The following COL25A1 variants were observed in gnomAD, a reference collection of about 807,000 sequenced individuals.
COL25A1 encodes the protein collagen alpha-1(XXV) chain.
COL25A1 carries 103 observed loss-of-function variants against 128.4 expected under a neutral mutation model. That is an observed-to-expected ratio of 0.80 (90% confidence interval 0.68 to 0.94). The LOEUF (loss-of-function observed/expected upper bound fraction) is 0.94, where lower values mean the gene tolerates loss of function less well. Among genes scored for constraint, COL25A1 ranks in the 40% least tolerant of loss-of-function variants. The pLI, the probability that COL25A1 is intolerant of heterozygous loss-of-function variation, is 0.00. For missense variants in COL25A1, 745 were observed against 840.0 expected (o/e 0.89, Z 1.40); for synonymous variants, 279 against 277.2 (o/e 1.01, Z -0.06).
intron 3 of COL25A1, among the ~76,000 whole-genome samples, chr4:109,248,925 G>A (rs982183446): frequency 1.3e-5 from 2 of 152,134 alleles, no homozygotes; most frequent in African/African-American, 4.8e-5. Flanking sequence ...CTCATATAAG[G>A]GAGACAGTCA....
At chr4:109,238,708 C>T (rs1779630473) in intron 3 of COL25A1, among the ~76,000 whole-genome samples, 1 of 152,056 alleles carries the variant, frequency 6.6e-6, no homozygotes, top group African/African-American at 2.4e-5. Flanking sequence ...CTCTCTGCCT[C>T]TCACAGCAGC....
chr4:109,256,231 T>C (rs897648589), intron 3 of COL25A1, among the ~76,000 whole-genome samples: 2 of 152,014 alleles, frequency 1.3e-5, no homozygotes, highest in Non-Finnish European at 1.5e-5. Flanking sequence ...ACTTGATCAA[T>C]AGTTAAATGG....
At chr4:109,270,683 C>T (rs1308986403) in intron 3 of COL25A1, among the ~76,000 whole-genome samples, 1 of 152,146 alleles carries the variant, frequency 6.6e-6, no homozygotes, top group Non-Finnish European at 1.5e-5. Context: ...CCACGTGACA[C>T]TAACAGTATA....
intron 3 of COL25A1, among the ~76,000 whole-genome samples, chr4:109,289,259 C>T (rs968621188): frequency 2.0e-5 from 3 of 151,870 alleles, no homozygotes; most frequent in African/African-American, 7.3e-5. Flanking sequence ...TGAAAAAGTC[C>T]GTTTTGCCTC....
At chr4:109,118,902 A>G (rs1767858459) in intron 3 of COL25A1, among the ~76,000 whole-genome samples, 1 of 151,998 alleles carries the variant, frequency 6.6e-6, no homozygotes, top group Non-Finnish European at 1.5e-5. Context: ...TCATCAACCA[A>G]CAGCAGACTA....
chr4:108,912,069 A>G (rs1362688708), intron 13 of COL25A1, among the ~76,000 whole-genome samples: 1 of 152,088 alleles, frequency 6.6e-6, no homozygotes, highest in African/African-American at 2.4e-5. Context: ...CCCTAAAGAA[A>G]CCCAAAAATA....
intron 8 of COL25A1, among the ~76,000 whole-genome samples, chr4:108,961,450 A>G (rs915240892): frequency 3.3e-5 from 5 of 152,244 alleles, no homozygotes; most frequent in African/African-American, 1.2e-4. Context: ...AAATCTTGCA[A>G]AAGGCAATCC....
chr4:108,939,950 C>T (rs528179048), intron 10 of COL25A1, among the ~76,000 whole-genome samples: 4 of 152,234 alleles, frequency 2.6e-5, no homozygotes, highest in Admixed American at 2.6e-4. Context: ...ATACAAAAGA[C>T]AAATGATATT....
At chr4:109,157,986 T>C (rs1037277210) in intron 3 of COL25A1, among the ~76,000 whole-genome samples, 1 of 152,202 alleles carries the variant, frequency 6.6e-6, no homozygotes, top group African/African-American at 2.4e-5. Context: ...CACTAAAGCC[T>C]GTGAATACTT....
chr4:109,203,257 A>C (rs1776712175), intron 3 of COL25A1, among the ~76,000 whole-genome samples: 1 of 152,216 alleles, frequency 6.6e-6, no homozygotes, highest in Non-Finnish European at 1.5e-5. Flanking sequence ...GCAGAAGACA[A>C]GACGAGCCAT....
chr4:108,873,864 A>G (rs1739107508), intron 19 of COL25A1, among the ~76,000 whole-genome samples: 1 of 152,164 alleles, frequency 6.6e-6, no homozygotes, highest in Non-Finnish European at 1.5e-5. Flanking sequence ...TTCTTCCTTC[A>G]AAGACGGAAA....
chr4:109,212,462 A>G (rs1259146138), intron 3 of COL25A1, among the ~76,000 whole-genome samples: 1 of 152,120 alleles, frequency 6.6e-6, no homozygotes, highest in Non-Finnish European at 1.5e-5. Flanking sequence ...TAAAAGTCCT[A>G]TTGGGAGGCT....
intron 35 of COL25A1, among the ~76,000 whole-genome samples, chr4:108,823,354 C>A (rs907364233): frequency 2.0e-5 from 3 of 149,756 alleles, no homozygotes; most frequent in Admixed American, 6.7e-5. Flanking sequence ...AAGCAAAATA[C>A]TGAGAAAGGG....
intron 13 of COL25A1, among the ~76,000 whole-genome samples, chr4:108,915,557 T>G (rs932777603): frequency 2.0e-5 from 3 of 152,118 alleles, no homozygotes; most frequent in Non-Finnish European, 4.4e-5. Flanking sequence ...AAGAAAATAA[T>G]TTTTTATTCC....
chr4:108,909,520 TATA>T (rs1194984615), intron 13 of COL25A1, among the ~76,000 whole-genome samples: 1 of 152,216 alleles, frequency 6.6e-6, no homozygotes, highest in African/African-American at 2.4e-5. Flanking sequence ...GTATCAATAA[TATA>T]ATAGTATGAG....
chr4:108,826,345 G>A (rs967344748), intron 33 of COL25A1, among the ~76,000 whole-genome samples: 10 of 151,932 alleles, frequency 6.6e-5, no homozygotes, highest in East Asian at 1.9e-4. Context: ...TGAGACCAGC[G>A]TGGCCAACAT....
In COL25A1 at chr4:109,134,789, T is replaced by C. The variant is rs138468097; in HGVS notation, c.368-84610A>G. 2.2e-3 allele frequency among the ~76,000 whole-genome samples: 328 copies of C among 151,826 alleles called. 2 individuals carry two copies. Among genetic ancestry groups the C allele is most frequent in the African/African-American group, 7.3e-3 (303 of 41,402 alleles). On this transcript the variant is annotated intron_variant, in intron 3 of 37. Transcript: ENST00000399132. The stretch of plus-strand genomic sequence containing the variant: ...TCTGAGATGCCTGCAAACAACTACG[T>C]GGAAAGGTCAATAGGAATTAGAAAT...
rs559306692 is a variant in COL25A1 at position 109,012,525 on chromosome 4, C to T, written c.421-2150G>A. 1.6e-3 allele frequency among the ~76,000 whole-genome samples: 243 copies of T among 152,266 alleles called. 1 individual carries two copies. The highest frequency in any genetic ancestry group is 3.4e-3 in the Middle Eastern group (1 of 292). On this transcript the variant is annotated intron_variant, in intron 5 of 37. Coordinates refer to ENST00000399132, the MANE Select transcript of COL25A1 (RefSeq NM_198721.4). ...TGCGTGCAGCGCTCGTGGGCCAGCG[C>T]GAGTTCCAGGTGGGCGCGGGCTTGG...
chr4:109,109,677 G>A (rs1766808776), intron 3 of COL25A1, among the ~76,000 whole-genome samples: 1 of 152,160 alleles, frequency 6.6e-6, no homozygotes, highest in Non-Finnish European at 1.5e-5. Flanking sequence ...GGATGTATAT[G>A]TCCAGTTTAC....
Sources: allele counts gnomAD v4.1 joint callset (sites outside exome capture counted in the v4.1 genomes callset), GRCh38; gene constraint gnomAD v4.1.1; transcripts MANE v1.5; gene names NCBI Gene and HGNC (gene_info 2026-07-23, HGNC 2026-07-21).